PCCA: variants seen among roughly 807,000 people sequenced by gnomAD.
The protein encoded by PCCA is propionyl-CoA carboxylase subunit alpha.
PCCA carries 74 observed loss-of-function variants against 101.3 expected under a neutral mutation model. The observed-to-expected ratio is 0.73, with a 90% confidence interval of 0.61 to 0.89. The LOEUF (loss-of-function observed/expected upper bound fraction) is 0.89, where lower values mean the gene tolerates loss of function less well. Among genes scored for constraint, PCCA ranks in the 40% least tolerant of loss-of-function variants. The pLI is 0.00. For missense variants in PCCA, 891 were observed against 907.0 expected (o/e 0.98, Z 0.23); for synonymous variants, 294 against 313.6 (o/e 0.94, Z 0.66).
chr13:100,110,730 A>G (rs1184078283), intron 2 of PCCA, among the ~76,000 whole-genome samples: 1 of 152,138 alleles, frequency 6.6e-6, no homozygotes, highest in East Asian at 1.9e-4. Context: ...TTTGAAAACA[A>G]CTCATGACAC....
At position 100,523,260 on chromosome 13, in the gene PCCA, CACA is replaced by C. The variant is rs2087455028; in HGVS notation, c.2041-4410_2041-4408del. Among the ~76,000 whole-genome samples, 6 of 152,270 alleles carry C rather than the reference CACA, an allele frequency of 3.9e-5. No homozygotes were observed. In the South Asian group the frequency reaches 1.2e-3, roughly 32 times the overall value. ...AATAAGAAGTGGTTTAAATCATTAG[CACA>C]ACAAAGCATACTATAAGCTTGAAGA... On this transcript the variant is annotated intron_variant, in intron 22 of 23. Coordinates refer to ENST00000376285, the MANE Select transcript of PCCA (RefSeq NM_000282.4).
rs1303837049 is a variant in PCCA at position 100,283,708 on chromosome 13, C to G, written c.1065+10362C>G. 3.3e-5 allele frequency among the ~76,000 whole-genome samples: 5 copies of G among 152,150 alleles called. No homozygotes were observed. In the East Asian group the frequency reaches 9.6e-4, roughly 29 times the overall value. ...ACAGGCCCAAAAGGAAAAGCGAGATCAGAGAAAGGCCGCAGCCTTAGTCAT... is the reference window on the plus strand; with the variant it reads ...ACAGGCCCAAAAGGAAAAGCGAGATGAGAGAAAGGCCGCAGCCTTAGTCAT... On this transcript the variant is annotated intron_variant, in intron 12 of 23. Coordinates refer to ENST00000376285, the MANE Select transcript of PCCA (RefSeq NM_000282.4).
intron 17 of PCCA, among the ~76,000 whole-genome samples, chr13:100,332,720 A>T (rs2069819471): frequency 6.6e-6 from 1 of 152,206 alleles, no homozygotes; most frequent in African/African-American, 2.4e-5. Context: ...AAACCTAGAT[A>T]TTGCAGTTTT....
chr13:100,396,721 A>G (rs970590036), intron 19 of PCCA, among the ~76,000 whole-genome samples: 3 of 152,246 alleles, frequency 2.0e-5, no homozygotes, highest in African/African-American at 7.2e-5. Context: ...TAATATTTTT[A>G]CATTCTAATA....
rs938193777 is a variant in PCCA, at chr13:100,394,176, C to G, written c.1746+25602C>G. Among the ~76,000 whole-genome samples the G allele has an allele frequency of 7.9e-5, 12 of 152,186 alleles. No homozygotes were observed. The highest frequency in any genetic ancestry group is 2.4e-4 in the African/African-American group (10 of 41,440). On this transcript the variant is annotated intron_variant, in intron 19 of 23. Transcript: ENST00000376285. The surrounding 1 kb of genome is among the most constrained non-coding windows in gnomAD (Gnocchi z 4.3). ...TCTCAGATGGATTTAATTAGTCCTT[C>G]GTAGAACTGGATGTCCGTTTGTTGC...
chr13:100,228,785 AG>A (rs1192160962), intron 7 of PCCA, among the ~76,000 whole-genome samples: 4 of 151,530 alleles, frequency 2.6e-5, no homozygotes, highest in Admixed American at 2.0e-4. Flanking sequence ...CTATAATCCC[AG>A]CTACTTGGGA....
At position 100,440,107 on chromosome 13, in the gene PCCA, A is replaced by AAG. The variant is rs538612390; in HGVS notation, c.1846-9143_1846-9142dup. Reference sequence around the variant, plus strand: ...CACATGAATCTCATGTTATTTACTGAAGAATACCAGATTAAATGGATTAGT... The same window carrying AAG: ...CACATGAATCTCATGTTATTTACTGAAGAGAATACCAGATTAAATGGATTAGT... On this transcript the variant is annotated intron_variant, in intron 20 of 23. Transcript: ENST00000376285. Among the ~76,000 whole-genome samples the AAG allele has an allele frequency of 4.0e-4, 59 of 146,056 alleles. 1 individual carries two copies. The South Asian group carries it at 0.013, about 32-fold the overall frequency.
chr13:100,319,136 T>C (rs902467628), intron 16 of PCCA, among the ~76,000 whole-genome samples: 1 of 152,272 alleles, frequency 6.6e-6, no homozygotes, highest in African/African-American at 2.4e-5. Flanking sequence ...ATGTCTTCTT[T>C]TGAGAAGTGT....
At chr13:100,330,428 A>C (rs1342916214) in intron 16 of PCCA, 133 bp from the exon 17 acceptor site, 2 of 654,576 alleles carry the variant, frequency 3.1e-6, no homozygotes, top group Non-Finnish European at 5.5e-6. Flanking sequence ...TTGTTAATAG[A>C]ATTCAAGGAA....
At chr13:100,314,177 A>G (rs2067150215) in intron 16 of PCCA, among the ~76,000 whole-genome samples, 2 of 152,160 alleles carry the variant, frequency 1.3e-5, no homozygotes, top group African/African-American at 4.8e-5. Flanking sequence ...ACTATCACTC[A>G]CAGAACTCGC....
At chr13:100,188,357 A>C (rs1042953523) in intron 6 of PCCA, among the ~76,000 whole-genome samples, 1 of 152,110 alleles carries the variant, frequency 6.6e-6, no homozygotes, top group African/African-American at 2.4e-5. Flanking sequence ...AGAATAATGA[A>C]TTCCATCTGG....
intron 2 of PCCA, among the ~76,000 whole-genome samples, chr13:100,111,320 G>A (rs1469489721): frequency 6.7e-6 from 1 of 148,288 alleles, no homozygotes; most frequent in Non-Finnish European, 1.5e-5. Flanking sequence ...GTGAGCCACC[G>A]TGCCCAGCCT....
chr13:100,406,289 A>G (rs758996975), intron 19 of PCCA, among the ~76,000 whole-genome samples: 2 of 152,184 alleles, frequency 1.3e-5, no homozygotes, highest in Admixed American at 1.3e-4. Context: ...CTATTTTGTC[A>G]TAAGTTAAGA....
At chr13:100,089,279 C>A in intron 1 of PCCA, 54 bp downstream of exon 1, 1 of 1,403,666 alleles carries the variant, frequency 7.1e-7, no homozygotes. Flanking sequence ...TCTAGCCGTG[C>A]CGCCTCTGGG....
intron 6 of PCCA, among the ~76,000 whole-genome samples, chr13:100,164,964 T>G (rs1188118647): frequency 6.6e-6 from 1 of 151,858 alleles, no homozygotes; most frequent in Non-Finnish European, 1.5e-5. Flanking sequence ...TATGTCTGGC[T>G]TATTTCACTC....
At chr13:100,135,340 A>T (rs975383591) in intron 4 of PCCA, among the ~76,000 whole-genome samples, 1 of 152,114 alleles carries the variant, frequency 6.6e-6, no homozygotes, top group Non-Finnish European at 1.5e-5. Flanking sequence ...GCAATGAGTT[A>T]TGATCACAAC....
intron 19 of PCCA, among the ~76,000 whole-genome samples, chr13:100,384,377 A>G (rs1336360859): frequency 6.6e-6 from 1 of 152,240 alleles, no homozygotes; most frequent in Non-Finnish European, 1.5e-5. Flanking sequence ...TAACGTTTTC[A>G]TAAAAATGAA....
intron 6 of PCCA, among the ~76,000 whole-genome samples, chr13:100,184,384 C>A (rs567423429): frequency 6.6e-6 from 1 of 152,214 alleles, no homozygotes; most frequent in South Asian, 2.1e-4. Flanking sequence ...TTAGGCCATT[C>A]ATGGAAAGTT....
chr13:100,400,647 T>TTTTTTTA (rs2077298980), intron 19 of PCCA, among the ~76,000 whole-genome samples: 3 of 145,344 alleles, frequency 2.1e-5, no homozygotes, highest in South Asian at 2.2e-4. Context: ...TTTTTTTTTT[T>TTTTTTTA]GAGAGTTTTG....
Sources: gnomAD v4.1 joint callset for allele counts (sites outside exome capture counted in the v4.1 genomes callset) on GRCh38, gnomAD v4.1.1 for gene constraint, Gnocchi (gnomAD v3.1) non-coding constraint, MANE v1.5 for transcripts, NCBI Gene and HGNC (gene_info 2026-07-23, HGNC 2026-07-21) for gene names.